TSHZ2: variants seen among roughly 807,000 people sequenced by gnomAD.
TSHZ2 encodes the protein teashirt zinc finger homeobox 2, also known as teashirt homolog 2.
In TSHZ2, 21 loss-of-function variants were observed where a neutral mutation model predicts 74.4. That is an observed-to-expected ratio of 0.28 (90% CI 0.20 to 0.41). The LOEUF is 0.41. Ranked by LOEUF, TSHZ2 falls within the 10% of genes least tolerant of loss-of-function variation. The pLI is 1.00. For missense variants in TSHZ2, 1,244 were observed against 1,293.5 expected (o/e 0.96, Z 0.59); for synonymous variants, 540 against 515.3 (o/e 1.05, Z -0.65).
rs530744128 is a variant in TSHZ2, at chr20:53,255,665, T to C, written c.2207T>C (p.Val736Ala). Residue 736 changes from valine (V) to alanine (A), a missense_variant, in exon 2 of 3, where the codon GTC becomes GCC. Val to Ala is a moderately conservative substitution (Grantham distance 64). Transcript: ENST00000371497. The surrounding 1 kb of genome is among the most constrained non-coding windows in gnomAD (Gnocchi z 4.1). ...ISMFHKSNLNVMDKPVLSPAS... is the reference protein window; with the variant it reads ...ISMFHKSNLNAMDKPVLSPAS... ...ATGTTCCACAAGTCGAATCTCAATG[T>C]CATGGACAAGCCGGTCTTGAGTCCT... 1.0e-5 allele frequency: 16 copies of C among 1,579,846 alleles called. No homozygotes were observed. The East Asian group carries it at 3.4e-4, about 33-fold the overall frequency.
At chr20:53,267,785 C>T (rs990823211) in intron 2 of TSHZ2, among the ~76,000 whole-genome samples, 12 of 152,184 alleles carry the variant, frequency 7.9e-5, no homozygotes, top group Non-Finnish European at 5.9e-5. Flanking sequence ...TATTGAATGC[C>T]TCATATGTGC....
intron 1 of TSHZ2, among the ~76,000 whole-genome samples, chr20:53,137,988 C>A (rs1457959635): frequency 6.6e-6 from 1 of 152,144 alleles, no homozygotes; most frequent in Non-Finnish European, 1.5e-5. Flanking sequence ...CAGTAGCCAG[C>A]CAGGACAAAA....
At chr20:53,402,159 T>C (rs1336226469) in intron 2 of TSHZ2, among the ~76,000 whole-genome samples, 3 of 152,236 alleles carry the variant, frequency 2.0e-5, no homozygotes, top group African/African-American at 7.2e-5. Flanking sequence ...CGAATTGTGC[T>C]GCTATAAACA....
intron 2 of TSHZ2, among the ~76,000 whole-genome samples, chr20:53,417,399 C>T (rs1458228003): frequency 6.6e-6 from 1 of 152,040 alleles, no homozygotes; most frequent in East Asian, 1.9e-4. Flanking sequence ...CAGGTTCAAG[C>T]GATTCTCCTG....
chr20:53,460,984 CTG>C (rs912220819), intron 2 of TSHZ2, among the ~76,000 whole-genome samples: 4 of 152,216 alleles, frequency 2.6e-5, no homozygotes, highest in African/African-American at 9.6e-5. Flanking sequence ...GAGGTTACTG[CTG>C]TCTTTTTGTT....
intron 2 of TSHZ2, among the ~76,000 whole-genome samples, chr20:53,361,414 T>G (rs1215747785): frequency 2.0e-5 from 3 of 152,236 alleles, no homozygotes; most frequent in Non-Finnish European, 2.9e-5. Context: ...AAGCCGAGGC[T>G]TCTCCAACAT....
intron 2 of TSHZ2, among the ~76,000 whole-genome samples, chr20:53,380,259 A>C (rs1422445646): frequency 6.6e-6 from 1 of 152,150 alleles, no homozygotes; most frequent in East Asian, 1.9e-4. Context: ...CCTGCAATAG[A>C]GGTGATTTTA....
intron 1 of TSHZ2, among the ~76,000 whole-genome samples, chr20:53,032,726 A>G (rs920339845): frequency 1.3e-5 from 2 of 150,626 alleles, no homozygotes; most frequent in Non-Finnish European, 2.9e-5. Context: ...TTCCTGAGTT[A>G]CTTTTCCCCA....
chr20:53,343,810 G>T (rs1980320917), intron 2 of TSHZ2, among the ~76,000 whole-genome samples: 1 of 152,142 alleles, frequency 6.6e-6, no homozygotes, highest in Non-Finnish European at 1.5e-5. Context: ...TTTCTAACAG[G>T]CTGGGCCCCA....
At chr20:53,129,609 C>G (rs961851408) in intron 1 of TSHZ2, among the ~76,000 whole-genome samples, 2 of 152,068 alleles carry the variant, frequency 1.3e-5, no homozygotes, top group African/African-American at 4.8e-5. Flanking sequence ...ATAGACAGTG[C>G]TCTTCTTTAC....
At chr20:53,163,993 G>A (rs1022410331) in intron 1 of TSHZ2, among the ~76,000 whole-genome samples, 3 of 152,130 alleles carry the variant, frequency 2.0e-5, no homozygotes, top group Non-Finnish European at 4.4e-5. Flanking sequence ...TAATAACCAT[G>A]TTTATGTAAC....
chr20:53,050,130 T>TATATATATATATAC (rs1555819319), intron 1 of TSHZ2, among the ~76,000 whole-genome samples: 21 of 88,298 alleles, frequency 2.4e-4, no homozygotes, highest in African/African-American at 1.3e-3. Flanking sequence ...TATATACACA[T>TATATATATATATAC]ATATATATGT....
At chr20:53,219,375 G>C (rs974936415) in intron 1 of TSHZ2, among the ~76,000 whole-genome samples, 1 of 152,174 alleles carries the variant, frequency 6.6e-6, no homozygotes, top group Non-Finnish European at 1.5e-5. Flanking sequence ...TTCTTCTGCA[G>C]TTATAAAAGA....
chr20:53,473,317 G>C (rs1453344934), intron 2 of TSHZ2, among the ~76,000 whole-genome samples: 57 of 143,362 alleles, frequency 4.0e-4, no homozygotes, highest in African/African-American at 1.4e-3. Context: ...TCTGAGAACG[G>C]GCAGACTGCC....
chr20:53,180,697 G>A (rs1034529326), intron 1 of TSHZ2, among the ~76,000 whole-genome samples: 8 of 152,098 alleles, frequency 5.3e-5, no homozygotes, highest in Admixed American at 2.0e-4. Flanking sequence ...TACACTAAAA[G>A]CCCAGATGTC....
At chr20:53,017,786 A>G (rs918201414) in intron 1 of TSHZ2, among the ~76,000 whole-genome samples, 1 of 152,188 alleles carries the variant, frequency 6.6e-6, no homozygotes, top group African/African-American at 2.4e-5. Flanking sequence ...CCAATGGTTA[A>G]GAACTTTCTT....
intron 1 of TSHZ2, among the ~76,000 whole-genome samples, chr20:53,201,503 G>A (rs777226177): frequency 9.2e-5 from 14 of 152,156 alleles, no homozygotes; most frequent in Non-Finnish European, 2.1e-4. Context: ...AGCCCCTTTG[G>A]GTCCTTCTCA....
At chr20:53,309,320 T>C (rs913678114) in intron 2 of TSHZ2, among the ~76,000 whole-genome samples, 7 of 152,202 alleles carry the variant, frequency 4.6e-5, no homozygotes, top group Non-Finnish European at 7.3e-5. Flanking sequence ...TTTAGGATAT[T>C]AGCTCTTGTT....
intron 1 of TSHZ2, among the ~76,000 whole-genome samples, chr20:53,071,110 A>AT (rs750250226): frequency 9.9e-5 from 15 of 152,162 alleles, no homozygotes; most frequent in Non-Finnish European, 2.1e-4. Context: ...TCGAGTGAGA[A>AT]TTTTTTCTCA....
Sources: gnomAD v4.1 joint callset for allele counts (sites outside exome capture counted in the v4.1 genomes callset) on GRCh38, gnomAD v4.1.1 for gene constraint, Gnocchi (gnomAD v3.1) non-coding constraint, MANE v1.5 for transcripts, NCBI Gene and HGNC (gene_info 2026-07-23, HGNC 2026-07-21) for gene names.